The following ACSM3 variants were observed in gnomAD, a reference collection of about 807,000 sequenced individuals.
The protein encoded by ACSM3 is acyl-CoA synthetase medium chain family member 3, also known as acyl-coenzyme A synthetase ACSM3, mitochondrial.
Under a neutral mutation model 74.1 loss-of-function variants are expected in ACSM3, and 61 were observed. The observed-to-expected ratio is 0.82, with a 90% CI of 0.67 to 1.02. The LOEUF is 1.02. Ranked by LOEUF, ACSM3 falls within the 50% of genes least tolerant of loss-of-function variation. The probability of loss-of-function intolerance (pLI) is 0.00; values close to 1 mark genes in which losing one functional copy is unlikely to be tolerated. For synonymous variants in ACSM3, 213 were observed against 241.5 expected (o/e 0.88, Z 1.09); for missense variants, 660 against 697.0 (o/e 0.95, Z 0.60).
chr16:20,711,014 A>T (rs959648693), intron 1 of ACSM3, among the ~76,000 whole-genome samples: 1 of 151,990 alleles, frequency 6.6e-6, no homozygotes, highest in African/African-American at 2.4e-5. Flanking sequence ...TGAACCTGGG[A>T]GGCGGAGGTT....
intron 2 of ACSM3, among the ~76,000 whole-genome samples, chr16:20,752,074 A>T (rs1420472730): frequency 6.6e-6 from 1 of 152,178 alleles, no homozygotes; most frequent in Non-Finnish European, 1.5e-5. Flanking sequence ...TACAGAAAAC[A>T]TTCAACAAGT....
chr16:20,737,268 T>C (rs374893380), intron 1 of ACSM3: 38 of 1,613,072 alleles, frequency 2.4e-5, no homozygotes, highest in Non-Finnish European at 2.8e-5. Context: ...ATTTTCTGAA[T>C]TGAGGGTGCA....
At chr16:20,716,456 G>C (rs2079762164) in intron 1 of ACSM3, among the ~76,000 whole-genome samples, 1 of 152,114 alleles carries the variant, frequency 6.6e-6, no homozygotes. Context: ...CTCGTGGCTT[G>C]GATGGAACCC....
intron 2 of ACSM3, among the ~76,000 whole-genome samples, chr16:20,751,950 TTCTC>T (rs898714049): frequency 6.6e-6 from 1 of 152,308 alleles, no homozygotes; most frequent in Non-Finnish European, 1.5e-5. Flanking sequence ...CAAGGTTGTT[TTCTC>T]TCTACTAGAC....
At chr16:20,688,200 G>A (rs933494428) in intron 1 of ACSM3, among the ~76,000 whole-genome samples, 1 of 151,954 alleles carries the variant, frequency 6.6e-6, no homozygotes, top group Non-Finnish European at 1.5e-5. Context: ...ATTCAAATAG[G>A]TAGAAGAAAA....
upstream of ACSM3, among the ~76,000 whole-genome samples, chr16:20,761,218 T>C (rs2080074315): frequency 6.6e-6 from 1 of 152,200 alleles, no homozygotes; most frequent in Non-Finnish European, 1.5e-5. Flanking sequence ...GAGCAATTTT[T>C]CTGCCTCAGC....
chr16:20,736,738 G>T, intron 1 of ACSM3: 1 of 799,026 alleles, frequency 1.3e-6, no homozygotes, highest in Non-Finnish European at 2.0e-6. Flanking sequence ...ACAGGGCTGC[G>T]CAATCATTGC....
chr16:20,738,943 C>G (rs763042953), intron 1 of ACSM3: 1 of 1,614,222 alleles, frequency 6.2e-7, no homozygotes, highest in South Asian at 1.1e-5. Flanking sequence ...CTCCACTTTC[C>G]ACTGACTGGA....
intron 2 of ACSM3, among the ~76,000 whole-genome samples, chr16:20,752,535 G>A (rs927124330): frequency 3.3e-5 from 5 of 152,190 alleles, no homozygotes; most frequent in African/African-American, 1.2e-4. Flanking sequence ...TCTTAAGACA[G>A]TTGAATATAA....
chr16:20,688,325 C>T (rs752446162), intron 1 of ACSM3, among the ~76,000 whole-genome samples: 1 of 151,890 alleles, frequency 6.6e-6, no homozygotes, highest in African/African-American at 2.4e-5. Flanking sequence ...ATCAAGCCAA[C>T]CAATATACCC....
At chr16:20,742,792 A>AAAATATATAT (rs2079938577) in intron 1 of ACSM3, among the ~76,000 whole-genome samples, 1 of 136,406 alleles carries the variant, frequency 7.3e-6, no homozygotes, top group Non-Finnish European at 1.6e-5. Flanking sequence ...GGTGCGTGTA[A>AAAATATATAT]ATATATATAT....
chr16:20,702,288 C>T (rs1206969342), intron 1 of ACSM3, among the ~76,000 whole-genome samples: 1 of 152,234 alleles, frequency 6.6e-6, no homozygotes, highest in Non-Finnish European at 1.5e-5. Context: ...TCGTGACTCA[C>T]TGCAACCTCC....
rs116489264 is a variant in ACSM3 at position 20,771,763 on chromosome 16, T to C, written c.219+1510T>C. Among the ~76,000 whole-genome samples the C allele has an allele frequency of 2.0e-3, 302 of 152,354 alleles. 2 individuals are homozygous for C. Among genetic ancestry groups the C allele is most frequent in the African/African-American group, 6.9e-3 (288 of 41,580 alleles). ...TTGAAAAAATACCCAGTGGTGAGAC[T>C]GCTAAATCATATGGTAGTTTTATTT... is the stretch of plus-strand genomic sequence containing the variant. On this transcript the variant is annotated intron_variant, in intron 2 of 13. Transcript: ENST00000289416.
chr16:20,695,319 T>C (rs1596479717), intron 1 of ACSM3, among the ~76,000 whole-genome samples: 3 of 152,170 alleles, frequency 2.0e-5, no homozygotes, highest in Non-Finnish European at 2.9e-5. Context: ...CCTGAAGCCA[T>C]GGTGATAAAT....
At position 20,742,815 on chromosome 16, in the gene ACSM3, T is replaced by TATATATATATA. The variant is rs1567334289; in HGVS notation, c.-189-7095_-189-7094insATATATATATA. On this transcript the variant is annotated intron_variant, in intron 1 of 3. Coordinates refer to the ACSM3 transcript ENST00000561584. ...TAAATATATATATATATATATATAT[T>TATATATATATA]TTTTTTTTTTCCCTTCTCCCCTTCC... 2.7e-3 allele frequency among the ~76,000 whole-genome samples: 128 copies of TATATATATATA among 47,050 alleles called. 1 individual carries two copies. Among genetic ancestry groups the TATATATATATA allele is most frequent in the South Asian group, 3.4e-3 (5 of 1,490 alleles). The allele number at this position is 47,050 out of a possible 152,430, so 30.9% of individuals were successfully genotyped here. A position where few individuals can be genotyped will look rare whatever the true frequency, so the allele number is the denominator to read the frequency against.
intron 1 of ACSM3, chr16:20,681,572 G>A (rs894275657): frequency 6.6e-6 from 1 of 152,140 alleles, no homozygotes; most frequent in Admixed American, 6.5e-5. Context: ...AACTATAGAG[G>A]CAGTAATAAC....
chr16:20,677,825 A>G (rs2079337311), intron 1 of ACSM3, among the ~76,000 whole-genome samples: 1 of 152,150 alleles, frequency 6.6e-6, no homozygotes, highest in African/African-American at 2.4e-5. Flanking sequence ...CAGATTCCAA[A>G]TATGCTTCTG....
rs2080444335 is a variant in ACSM3, at chr16:20,785,115, A to G, written c.1143+8A>G. 1 of 1,612,476 alleles carries G rather than the reference A, an allele frequency of 6.2e-7. No individual in the cohort carries two copies. Among genetic ancestry groups the G allele is most frequent in the Non-Finnish European group, 8.5e-7 (1 of 1,179,168 alleles). On this transcript the variant is annotated splice_region_variant and intron_variant, in intron 8 of 13. Transcript: ENST00000289416. ...TATGGACAGACTGAAACGGTACCTG[A>G]CCTCACTGAAAAGACATAGCTGGAT...
At chr16:20,789,683 T>TA in intron 9 of ACSM3, 9 of 611,408 alleles carry the variant, frequency 1.5e-5, no homozygotes, top group Non-Finnish European at 2.0e-5. Context: ...ACTCTATTTT[T>TA]CTTTTTTTTT....
Sources: allele counts gnomAD v4.1 joint callset (sites outside exome capture counted in the v4.1 genomes callset), GRCh38; gene constraint gnomAD v4.1.1; transcripts MANE v1.5; gene names NCBI Gene and HGNC (gene_info 2026-07-23, HGNC 2026-07-21).